Variants in HELZ observed in about 807,000 individuals in gnomAD.
The protein encoded by HELZ is ATP-dependent RNA helicase with zinc finger domain.
HELZ carries 23 observed loss-of-function variants against 218.2 expected under a neutral mutation model. The observed-to-expected ratio is 0.11, with a 90% CI of 0.08 to 0.15. HELZ has a LOEUF of 0.15. Ranked by LOEUF, HELZ falls within the 10% of genes least tolerant of loss-of-function variation. The probability of loss-of-function intolerance (pLI) is 1.00; values close to 1 mark genes in which losing one functional copy is unlikely to be tolerated. For synonymous variants in HELZ, 814 were observed against 829.4 expected (o/e 0.98, Z 0.32); for missense variants, 1,813 against 2,353.7 (o/e 0.77, Z 4.75).
intron 7 of HELZ, among the ~76,000 whole-genome samples, chr17:67,199,618 G>C (rs1014867363): frequency 6.6e-6 from 1 of 151,944 alleles, no homozygotes; most frequent in Non-Finnish European, 1.5e-5. Flanking sequence ...ACTGATTCTC[G>C]GTTGATTCAC....
At position 67,167,625 on chromosome 17, in the gene HELZ, A is replaced by C. The variant is rs761705117; in HGVS notation, c.1602T>G (p.Val534=). 6 of 1,614,070 alleles carry C rather than the reference A, an allele frequency of 3.7e-6. No individual in the cohort carries two copies. The African/African-American group carries it at 8.0e-5, about 22-fold the overall frequency. The change falls in exon 14 of 33, where the codon GTT becomes GTG. Residue 534 remains valine (V), a synonymous_variant. Transcript: ENST00000358691. The part of the protein sequence containing the change: ...GRLVMTKVNA[V]YLLPVPKQKL... The stretch of plus-strand genomic sequence containing the variant: ...TCTGTTTAGGGACTGGTAATAAATA[A>C]ACAGCATTGACTTTGGTCATCACCA...
At chr17:67,137,211 T>C (rs1227102848) in intron 22 of HELZ, among the ~76,000 whole-genome samples, 1 of 152,192 alleles carries the variant, frequency 6.6e-6, no homozygotes, top group Non-Finnish European at 1.5e-5. Context: ...AATGCTGATG[T>C]CAATCTTTAG....
At chr17:67,096,797 C>G (rs184641976) in intron 31 of HELZ, among the ~76,000 whole-genome samples, 136 of 152,334 alleles carry the variant, frequency 8.9e-4, no homozygotes, top group African/African-American at 3.2e-3. Flanking sequence ...ATCACTCAAA[C>G]TTTCTCCACA....
intron 31 of HELZ, among the ~76,000 whole-genome samples, chr17:67,089,478 G>C (rs924345294): frequency 1.3e-5 from 2 of 151,818 alleles, no homozygotes; most frequent in African/African-American, 4.8e-5. Context: ...AGGCTCCGGG[G>C]AAGTATTGTA....
intron 32 of HELZ, among the ~76,000 whole-genome samples, chr17:67,080,835 A>G (rs148094670): frequency 9.3e-4 from 141 of 152,282 alleles, no homozygotes; most frequent in Non-Finnish European, 1.2e-3. Flanking sequence ...AAGGATTTAA[A>G]CAGGTGGGGA....
intron 21 of HELZ, among the ~76,000 whole-genome samples, chr17:67,141,077 G>C (rs1473448728): frequency 3.3e-5 from 5 of 152,092 alleles, no homozygotes; most frequent in Non-Finnish European, 7.4e-5. Context: ...AAATACTAAA[G>C]GAAGTTCTTC....
At chr17:67,162,935 GC>G (rs1345301550) in intron 15 of HELZ, among the ~76,000 whole-genome samples, 5 of 152,128 alleles carry the variant, frequency 3.3e-5, no homozygotes, top group African/African-American at 1.2e-4. Flanking sequence ...CTCCTGCACA[GC>G]CCTGGACCAC....
chr17:67,243,343 G>A (rs555094116), intron 2 of HELZ, among the ~76,000 whole-genome samples: 1 of 152,190 alleles, frequency 6.6e-6, no homozygotes, highest in South Asian at 2.1e-4. Flanking sequence ...TCTTTCTAAC[G>A]GAAAGGGTAT....
chr17:67,099,623 G>C (rs1244490325), intron 31 of HELZ, among the ~76,000 whole-genome samples: 1 of 152,146 alleles, frequency 6.6e-6, no homozygotes, highest in Admixed American at 6.5e-5. Flanking sequence ...AATTTTTACT[G>C]TTAAAGATAG....
rs371560843 is a variant in HELZ at position 67,076,486 on chromosome 17, TAC to T, written c.*1764_*1765del. ...GTTTACAAGTCTATGTCTGCCACCT[TAC>T]ACAGAGACCCACAGCCTGGAACGCA... On this transcript the variant is annotated 3_prime_UTR_variant, in exon 33 of 33. Coordinates refer to ENST00000358691, the MANE Select transcript of HELZ (RefSeq NM_014877.4). 4 of 152,452 alleles carry T rather than the reference TAC, an allele frequency of 2.6e-5. No homozygotes were observed. The highest frequency in any genetic ancestry group is 9.6e-5 in the African/African-American group (4 of 41,566). 9.4% of individuals were successfully genotyped at this position (152,452 alleles called of 1,614,324 possible).
intron 17 of HELZ, among the ~76,000 whole-genome samples, chr17:67,159,156 T>C (rs2038928117): frequency 6.6e-6 from 1 of 152,246 alleles, no homozygotes; most frequent in African/African-American, 2.4e-5. Context: ...AACTATTTAT[T>C]GATGAATGCA....
intron 28 of HELZ, among the ~76,000 whole-genome samples, chr17:67,114,022 T>A (rs907069875): frequency 1.3e-5 from 2 of 152,226 alleles, no homozygotes; most frequent in Non-Finnish European, 2.9e-5. Flanking sequence ...TTCACGATAA[T>A]GACACACTTG....
chr17:67,208,114 G>A (rs2040352648), intron 5 of HELZ, among the ~76,000 whole-genome samples: 1 of 152,164 alleles, frequency 6.6e-6, no homozygotes, highest in Non-Finnish European at 1.5e-5. Flanking sequence ...CTCTCAAAGT[G>A]GCAAAATTAG....
chr17:67,107,474 T>G lies in HELZ; in HGVS notation c.4936A>C (p.Asn1646His). ...GGGAGGCGCTGTGGAAATGCTGGGT[T>G]GCTGGCTACTTCAATGTCTCTGCTG... ...DNSRDIEVAS[N>H]PAFPQRLPPQ... Residue 1646 changes from asparagine to histidine, a missense_variant, in exon 31 of 33, where the codon AAC becomes CAC. Coordinates refer to ENST00000358691, the MANE Select transcript of HELZ (RefSeq NM_014877.4). 6.2e-7 allele frequency: 1 copy of G among 1,614,186 alleles called. No homozygotes were observed. The highest frequency in any genetic ancestry group is 8.5e-7 in the Non-Finnish European group (1 of 1,180,036).
intron 13 of HELZ, among the ~76,000 whole-genome samples, chr17:67,171,786 T>C (rs1425380228): frequency 6.6e-6 from 1 of 151,958 alleles, no homozygotes; most frequent in Non-Finnish European, 1.5e-5. Context: ...TATTCTCACA[T>C]CCTGTTTCCT....
chr17:67,232,230 G>A (rs974825718), intron 3 of HELZ, among the ~76,000 whole-genome samples: 1 of 151,260 alleles, frequency 6.6e-6, no homozygotes, highest in Non-Finnish European at 1.5e-5. Context: ...TGCAACCTCC[G>A]CCTCCCAGGT....
At chr17:67,101,317 T>A (rs766936051) in intron 31 of HELZ, among the ~76,000 whole-genome samples, 1 of 152,058 alleles carries the variant, frequency 6.6e-6, no homozygotes, top group East Asian at 1.9e-4. Flanking sequence ...ATTTTAAATT[T>A]TTTTTTAGTA....
intron 12 of HELZ, among the ~76,000 whole-genome samples, chr17:67,183,272 G>A (rs1367188219): frequency 6.6e-6 from 1 of 152,122 alleles, no homozygotes; most frequent in African/African-American, 2.4e-5. Context: ...ATCTCTCTCA[G>A]CTTGCCTATG....
At chr17:67,194,145 A>G in intron 8 of HELZ, 103 bp from the exon 9 acceptor site, 1 of 761,986 alleles carries the variant, frequency 1.3e-6, no homozygotes, top group Non-Finnish European at 2.2e-6. Flanking sequence ...ACATCATCCC[A>G]TATGATGTAA....
Sources: allele counts gnomAD v4.1 joint callset (sites outside exome capture counted in the v4.1 genomes callset), GRCh38; gene constraint gnomAD v4.1.1; transcripts MANE v1.5; gene names NCBI Gene and HGNC (gene_info 2026-07-23, HGNC 2026-07-21).